GABPB2: variants seen among roughly 807,000 people sequenced by gnomAD.
The protein encoded by GABPB2 is GA-binding protein subunit beta-2.
GABPB2 carries 23 observed loss-of-function variants against 39.1 expected under a neutral mutation model. The ratio of observed to expected loss-of-function variants is 0.59; its 90% CI spans 0.42 to 0.83. The LOEUF (loss-of-function observed/expected upper bound fraction) is 0.83. Among genes scored for constraint, GABPB2 ranks in the 40% least tolerant of loss-of-function variants. GABPB2 has a pLI of 0.00. For missense variants in GABPB2, 467 were observed against 541.1 expected (o/e 0.86, Z 1.36); for synonymous variants, 184 against 199.3 (o/e 0.92, Z 0.65).
intron 1 of GABPB2, among the ~76,000 whole-genome samples, chr1:151,087,893 A>G (rs981660012): frequency 2.0e-5 from 3 of 152,126 alleles, no homozygotes; most frequent in Non-Finnish European, 1.5e-5. Flanking sequence ...ATTTCAGGGG[A>G]ATGAAATGGT....
Position 151,103,565 on chromosome 1 carries a change from A to G in GABPB2, c.626A>G (p.Asp209Gly), listed in dbSNP as rs1041430885. 5 of 1,608,930 alleles carry G rather than the reference A, an allele frequency of 3.1e-6. No homozygotes were observed. The highest frequency in any genetic ancestry group is 2.7e-5 in the African/African-American group (2 of 74,840). The change falls in exon 6 of 9, where the codon GAC (aspartate) becomes GGC (glycine). Residue 209 changes from aspartate (D) to glycine (G), a missense_variant. Coordinates refer to ENST00000368918, the MANE Select transcript of GABPB2 (RefSeq NM_144618.3). ...TTTGTCTTTCTTACTGAAATAGGTG[A>G]CCCCCATGCCTCAACAGTACAGTTT... ...SSTNTKTTSG[D>G]PHASTVQFSN...
chr1:151,105,160 C>A (rs984904054), intron 6 of GABPB2, among the ~76,000 whole-genome samples: 1 of 152,054 alleles, frequency 6.6e-6, no homozygotes, highest in Admixed American at 6.6e-5. Context: ...CCCACCTCGG[C>A]CTTCCAAAGT....
chr1:151,103,600 A>G lies in GABPB2; in HGVS notation c.661A>G (p.Thr221Ala), dbSNP rs587689291. 1.9e-5 allele frequency: 31 copies of G among 1,614,100 alleles called. No homozygotes were observed. The Admixed American group carries it at 4.7e-4, about 24-fold the overall frequency. ...CTCAACAGTACAGTTTTCAAATTCTACCACCTCAGTGCTGGCTACCCTTGC... is the reference window on the plus strand; with the variant it reads ...CTCAACAGTACAGTTTTCAAATTCTGCCACCTCAGTGCTGGCTACCCTTGC... Reference protein sequence around the residue: ...HASTVQFSNSTTSVLATLAAL... With the variant: ...HASTVQFSNSATSVLATLAAL... The change falls in exon 6 of 9, where the codon ACC (threonine) becomes GCC (alanine). Residue 221 changes from threonine (T) to alanine (A), a missense_variant. Coordinates refer to ENST00000368918, the MANE Select transcript of GABPB2 (RefSeq NM_144618.3).
At chr1:151,107,308 A>T in intron 7 of GABPB2, 86 bp downstream of exon 7, 1 of 852,696 alleles carries the variant, frequency 1.2e-6, no homozygotes, top group Non-Finnish European at 1.6e-6. Flanking sequence ...TAAGACAAAT[A>T]GTGGAAGTGG....
chr1:151,088,072 C>T lies in GABPB2; in HGVS notation c.1-118C>T, dbSNP rs1678351137. On this transcript the variant is annotated intron_variant, in intron 1 of 8. Transcript: ENST00000368918. ...GAAAGGAAGTGACCTACCAGACAGT[C>T]AACTTGAGATGTATCTTATATACAT... is the stretch of plus-strand genomic sequence containing the variant. The T allele has an allele frequency of 1.7e-5, 11 of 661,926 alleles. No individual in the cohort carries two copies. The South Asian group carries it at 1.9e-4, about 11-fold the overall frequency. The allele number at this position is 661,926 out of a possible 1,614,324, so 41.0% of individuals were successfully genotyped here. A position where few individuals can be genotyped will look rare whatever the true frequency, so the allele number is the denominator to read the frequency against.
chr1:151,084,838 G>A (rs1678039906), intron 1 of GABPB2, among the ~76,000 whole-genome samples: 1 of 151,750 alleles, frequency 6.6e-6, no homozygotes, highest in African/African-American at 2.4e-5. Context: ...CCAGCCAGCT[G>A]TTCATTTTTA....
intron 7 of GABPB2, among the ~76,000 whole-genome samples, chr1:151,116,034 TG>T (rs1680836246): frequency 6.7e-6 from 1 of 149,448 alleles, no homozygotes; most frequent in Admixed American, 6.7e-5. Flanking sequence ...ACCCAGGAGG[TG>T]GGGGTTGCAG....
Position 151,090,586 on chromosome 1 carries a change from TA to T in GABPB2, c.276+14del, listed in dbSNP as rs772439762. ...ACTGCTTGTTCGGGTAAAGCAAGAA[TA>T]GGGGCAAGGTTATGTTGTTAAAAAG... On this transcript the variant is annotated intron_variant, in intron 3 of 8. Transcript: ENST00000368918. The T allele has an allele frequency of 4.0e-5, 64 of 1,612,758 alleles. No individual in the cohort carries two copies. The highest frequency in any genetic ancestry group is 4.2e-5 in the Non-Finnish European group (49 of 1,179,286).
chr1:151,084,067 T>C (rs147338084), intron 1 of GABPB2, among the ~76,000 whole-genome samples: 1 of 149,158 alleles, frequency 6.7e-6, no homozygotes, highest in African/African-American at 2.5e-5. Context: ...TATAAAAAAA[T>C]ATATATATTT....
At chr1:151,110,005 ATTTTTTTTTTTTTTTTTTTTT>A (rs71577269) in intron 7 of GABPB2, among the ~76,000 whole-genome samples, 2 of 60,706 alleles carry the variant, frequency 3.3e-5, no homozygotes, top group Non-Finnish European at 6.9e-5. Flanking sequence ...TGCCCAGCTA[ATTTTTTTTTTTTTTTTTTTTT>A]TTTTTTTTTT....
At position 151,090,438 on chromosome 1, in the gene GABPB2, A is replaced by G. The variant is rs201054179; in HGVS notation, c.141A>G (p.Gln47=). The stretch of plus-strand genomic sequence containing the variant: ...CATCACCCCTCCACCTTGCAGCTCA[A>G]TATGGTCATTATTCCACAGCAGAAG... ...LGTSPLHLAA[Q]YGHYSTAEVL... Residue 47 remains glutamine (Q), a synonymous_variant, in exon 3 of 9, where the codon CAA becomes CAG. Coordinates refer to ENST00000368918, the MANE Select transcript of GABPB2 (RefSeq NM_144618.3). 2.5e-6 allele frequency: 4 copies of G among 1,614,030 alleles called. No homozygotes were observed. The highest frequency in any genetic ancestry group is 1.3e-5 in the African/African-American group (1 of 75,018).
At chr1:151,095,578 C>T (rs773936023) in intron 4 of GABPB2, among the ~76,000 whole-genome samples, 5 of 152,118 alleles carry the variant, frequency 3.3e-5, no homozygotes, top group African/African-American at 9.7e-5. Flanking sequence ...GCTACTATTT[C>T]GCCACGTAGC....
chr1:151,113,180 T>G (rs1363815160), intron 7 of GABPB2, among the ~76,000 whole-genome samples: 1 of 151,854 alleles, frequency 6.6e-6, no homozygotes, highest in Non-Finnish European at 1.5e-5. Flanking sequence ...CCCAAAATGC[T>G]GTGATTGGCC....
chr1:151,117,926 T>C, intron 8 of GABPB2, 31 bp from the exon 9 acceptor site: 5 of 1,590,598 alleles, frequency 3.1e-6, no homozygotes, highest in Non-Finnish European at 4.3e-6. Context: ...ATCAGGAATT[T>C]ACCTGGTGGT....
At chr1:151,099,291 G>A (rs954841742) in intron 5 of GABPB2, among the ~76,000 whole-genome samples, 18 of 151,598 alleles carry the variant, frequency 1.2e-4, no homozygotes, top group East Asian at 1.9e-4. Context: ...TTTGCCTCCC[G>A]GGTTCAAGCG....
intron 1 of GABPB2, among the ~76,000 whole-genome samples, chr1:151,075,096 C>T (rs146222391): frequency 0.011 from 1,644 of 151,478 alleles, 43 homozygotes; most frequent in African/African-American, 0.038. Flanking sequence ...GAGCCGAGAT[C>T]GTGCCACCGC....
chr1:151,088,739 G>A (rs1472777135), intron 2 of GABPB2, among the ~76,000 whole-genome samples: 2 of 152,140 alleles, frequency 1.3e-5, no homozygotes, highest in Non-Finnish European at 2.9e-5. Flanking sequence ...GGTGGCTCAC[G>A]CCTGTAATCC....
chr1:151,110,589 T>C (rs1680352245), intron 7 of GABPB2, among the ~76,000 whole-genome samples: 1 of 152,036 alleles, frequency 6.6e-6, no homozygotes, highest in Admixed American at 6.6e-5. Context: ...AAGTCCCAAG[T>C]AGCTAGGACC....
At chr1:151,111,750 G>A (rs963982312) in intron 7 of GABPB2, among the ~76,000 whole-genome samples, 1 of 148,496 alleles carries the variant, frequency 6.7e-6, no homozygotes, top group African/African-American at 2.5e-5. Flanking sequence ...ATTTCACCAT[G>A]GTCTCGAACT....
Sources: gnomAD v4.1 joint callset for allele counts (sites outside exome capture counted in the v4.1 genomes callset) on GRCh38, gnomAD v4.1.1 for gene constraint, MANE v1.5 for transcripts, NCBI Gene and HGNC (gene_info 2026-07-23, HGNC 2026-07-21) for gene names.